Variants in TANGO6 observed in about 807,000 individuals in gnomAD.
TANGO6 encodes transport and Golgi organization protein 6 homolog.
In TANGO6, 90 loss-of-function variants were observed where a neutral mutation model predicts 114.2. The ratio of observed to expected loss-of-function variants is 0.79; its 90% confidence interval spans 0.66 to 0.94. The LOEUF (loss-of-function observed/expected upper bound fraction) is 0.94. TANGO6 is among the 40% of genes least tolerant of loss of function. TANGO6 has a pLI of 0.00. For synonymous variants in TANGO6, 477 were observed against 509.8 expected (o/e 0.94, Z 0.87); for missense variants, 1,274 against 1,315.3 (o/e 0.97, Z 0.49).
chr16:68,900,323 C>T (rs926758056), intron 7 of TANGO6, 111 bp from the exon 8 acceptor site: 6 of 792,648 alleles, frequency 7.6e-6, no homozygotes, highest in Admixed American at 4.6e-5. Flanking sequence ...TGGTGTGATT[C>T]GGATGAGATA....
intron 4 of TANGO6, among the ~76,000 whole-genome samples, chr16:68,872,221 CAA>C (rs879557550): frequency 7.2e-6 from 1 of 138,976 alleles, no homozygotes. Flanking sequence ...ACTCTTGTCT[CAA>C]AAAAAAAAAG....
intron 9 of TANGO6, among the ~76,000 whole-genome samples, chr16:68,904,569 T>C (rs1962825206): frequency 6.6e-6 from 1 of 152,246 alleles, no homozygotes; most frequent in African/African-American, 2.4e-5. Flanking sequence ...TTAGTAATTG[T>C]ACTTTTCAAT....
chr16:68,949,477 C>T (rs890321202), intron 14 of TANGO6, among the ~76,000 whole-genome samples: 10 of 151,658 alleles, frequency 6.6e-5, no homozygotes, highest in East Asian at 2.0e-4. Flanking sequence ...AAAAATTAGC[C>T]GGGCATGATT....
In TANGO6 at chr16:68,865,843, A is replaced by T. The variant is rs866147620; in HGVS notation, c.853-1236A>T. On this transcript the variant is annotated intron_variant, in intron 3 of 17. Coordinates refer to ENST00000261778, the MANE Select transcript of TANGO6 (RefSeq NM_024562.2). ...TGAGGCAGGAGAATGGCGTGAACCC[A>T]GGAGGCGGAGGTTGCAGCGAGCCGA... Among the ~76,000 whole-genome samples the T allele has an allele frequency of 2.6e-5, 4 of 151,070 alleles. 1 individual carries two copies. The highest frequency in any genetic ancestry group is 6.4e-3 in the Middle Eastern group (2 of 314).
intron 14 of TANGO6, among the ~76,000 whole-genome samples, chr16:68,964,964 C>T (rs1327375849): frequency 6.6e-6 from 1 of 152,080 alleles, no homozygotes; most frequent in East Asian, 1.9e-4. Flanking sequence ...CCAGTCTTTT[C>T]TATTACGAAT....
At chr16:68,968,289 T>C (rs1230655748) in intron 14 of TANGO6, among the ~76,000 whole-genome samples, 2 of 151,890 alleles carry the variant, frequency 1.3e-5, no homozygotes, top group Non-Finnish European at 2.9e-5. Flanking sequence ...TGGTCTCAAA[T>C]TCCTGACTTC....
intron 11 of TANGO6, among the ~76,000 whole-genome samples, chr16:68,911,783 C>T (rs535500568): frequency 2.0e-5 from 3 of 152,182 alleles, no homozygotes; most frequent in Non-Finnish European, 2.9e-5. Context: ...AAGGTTGATT[C>T]GAAGTCTGAG....
chr16:68,898,394 A>G (rs1386124688), intron 7 of TANGO6, among the ~76,000 whole-genome samples: 1 of 152,228 alleles, frequency 6.6e-6, no homozygotes. Flanking sequence ...AGCTCATGAA[A>G]GTGCCTCCAT....
intron 4 of TANGO6, among the ~76,000 whole-genome samples, chr16:68,868,746 C>T (rs1962219680): frequency 1.3e-5 from 2 of 152,012 alleles, no homozygotes; most frequent in Admixed American, 1.3e-4. Context: ...ATCCACCCAC[C>T]TCGGCCTCCC....
chr16:68,913,767 A>C (rs1339692351), intron 11 of TANGO6, among the ~76,000 whole-genome samples: 1 of 152,106 alleles, frequency 6.6e-6, no homozygotes, highest in African/African-American at 2.4e-5. Context: ...TTTTTACTGC[A>C]GAACCCTGGA....
At chr16:68,948,855 G>T (rs899033498) in intron 14 of TANGO6, among the ~76,000 whole-genome samples, 64 of 152,172 alleles carry the variant, frequency 4.2e-4, no homozygotes, top group African/African-American at 1.5e-3. Context: ...GAAAGTATCA[G>T]CATTGTTTTA....
At chr16:69,061,983 G>T (rs1960125212) in intron 17 of TANGO6, among the ~76,000 whole-genome samples, 1 of 151,920 alleles carries the variant, frequency 6.6e-6, no homozygotes, top group Non-Finnish European at 1.5e-5. Context: ...CGCTCCACTG[G>T]CACTCCAGCC....
intron 16 of TANGO6, among the ~76,000 whole-genome samples, chr16:69,030,679 G>A (rs1959579327): frequency 6.6e-6 from 1 of 152,000 alleles, no homozygotes; most frequent in African/African-American, 2.4e-5. Context: ...ATAGGTAGTA[G>A]GTTGTTTGCC....
intron 12 of TANGO6, among the ~76,000 whole-genome samples, chr16:68,925,309 C>CA (rs1279735023): frequency 2.0e-5 from 3 of 151,368 alleles, no homozygotes; most frequent in African/African-American, 4.8e-5. Flanking sequence ...GACTCTGTCT[C>CA]AAAAAAAAGA....
chr16:68,906,645 G>T (rs1962853072), intron 9 of TANGO6, among the ~76,000 whole-genome samples: 1 of 151,110 alleles, frequency 6.6e-6, no homozygotes, highest in South Asian at 2.1e-4. Flanking sequence ...ATTCATAGTT[G>T]TGACCATAAT....
intron 17 of TANGO6, among the ~76,000 whole-genome samples, chr16:69,072,671 C>T (rs2152243466): frequency 6.6e-6 from 1 of 152,148 alleles, no homozygotes. Flanking sequence ...CTAAGATAGA[C>T]CCATTAATTA....
intron 4 of TANGO6, among the ~76,000 whole-genome samples, chr16:68,871,927 A>G (rs1026234479): frequency 1.3e-5 from 2 of 152,138 alleles, no homozygotes; most frequent in African/African-American, 4.8e-5. Context: ...GCCAAGGGCA[A>G]ATTTTTAATA....
intron 15 of TANGO6, among the ~76,000 whole-genome samples, chr16:68,998,488 T>G (rs571087178): frequency 6.6e-6 from 1 of 151,948 alleles, no homozygotes; most frequent in Non-Finnish European, 1.5e-5. Flanking sequence ...TCCCAGCGCT[T>G]TGGGAGGCTG....
chr16:68,865,537 T>C (rs1962163031), intron 3 of TANGO6, among the ~76,000 whole-genome samples: 1 of 152,190 alleles, frequency 6.6e-6, no homozygotes, highest in African/African-American at 2.4e-5. Flanking sequence ...ACACCAAGTC[T>C]ATTTATTCAC....
Sources: allele counts gnomAD v4.1 joint callset (sites outside exome capture counted in the v4.1 genomes callset), GRCh38; gene constraint gnomAD v4.1.1; transcripts MANE v1.5; gene names NCBI Gene and HGNC (gene_info 2026-07-23, HGNC 2026-07-21).